Variants in CHMP3 observed in about 807,000 individuals in gnomAD.
CHMP3 encodes charged multivesicular body protein 3.
In CHMP3, 8 loss-of-function variants were observed where a neutral mutation model predicts 27.4. The ratio of observed to expected loss-of-function variants is 0.29; its 90% CI spans 0.17 to 0.53. The LOEUF is 0.53. CHMP3 is among the 20% of genes least tolerant of loss of function. The probability of loss-of-function intolerance (pLI) is 0.96; values close to 1 mark genes in which losing one functional copy is unlikely to be tolerated. For missense variants in CHMP3, 208 were observed against 271.5 expected, an observed-to-expected ratio of 0.77 and a Z score of 1.64; for synonymous variants, 86 against 85.5, an observed-to-expected ratio of 1.01 and a Z score of -0.03.
rs1487411595 is a variant in CHMP3, at chr2:86,563,443, G to C, written c.-95C>G. On this transcript the variant is annotated 5_prime_UTR_variant, in exon 1 of 6. Coordinates refer to ENST00000263856, the MANE Select transcript of CHMP3 (RefSeq NM_016079.4). ...CCTGGGCGGGGCCCGCGGAAAAGGA[G>C]GTAGTCCCAACCCCCAGAGTAGGGA... 1.4e-6 allele frequency: 2 copies of C among 1,471,374 alleles called. No homozygotes were observed. Among genetic ancestry groups the C allele is most frequent in the Admixed American group, 1.7e-5 (1 of 57,312 alleles). 91.1% of individuals were successfully genotyped at this position (1,471,374 alleles called of 1,614,324 possible).
At chr2:86,560,686 C>T (rs148621241) in intron 1 of CHMP3, among the ~76,000 whole-genome samples, 2,950 of 151,466 alleles carry the variant, frequency 0.019, 112 homozygotes, top group African/African-American at 0.068. Context: ...CACATGTAAC[C>T]CAGAACTTAA....
chr2:86,541,886 A>G (rs1004025907), intron 2 of CHMP3, among the ~76,000 whole-genome samples: 2 of 152,060 alleles, frequency 1.3e-5, no homozygotes, highest in African/African-American at 4.8e-5. Context: ...GGTACTAAAC[A>G]AAAAAAATCA....
At chr2:86,535,963 T>C (rs939513988) in intron 2 of CHMP3, among the ~76,000 whole-genome samples, 3 of 151,278 alleles carry the variant, frequency 2.0e-5, no homozygotes, top group African/African-American at 7.3e-5. Context: ...TTAAATCATG[T>C]AGAATACAAA....
rs1674839197 is a variant in CHMP3 at position 86,505,107 on chromosome 2, T to TTCTGTTCTAATATAAGCC, written c.*696_*697insGGCTTATATTAGAACAGA. The TTCTGTTCTAATATAAGCC allele has an allele frequency of 6.6e-6, 1 of 152,430 alleles. No individual in the cohort carries two copies. Among genetic ancestry groups the TTCTGTTCTAATATAAGCC allele is most frequent in the African/African-American group, 2.4e-5 (1 of 41,418 alleles). The allele number at this position is 152,430 out of a possible 1,614,324, so 9.4% of individuals were successfully genotyped here. A position where few individuals can be genotyped will look rare whatever the true frequency, so the allele number is the denominator to read the frequency against. On this transcript the variant is annotated 3_prime_UTR_variant, in exon 6 of 6. Transcript: ENST00000263856. ...ATGAGAGGTGAAAGAGACCTAGTAC[T>TTCTGTTCTAATATAAGCC]ACAGCTGTCTCATCTGGGTGCAACT...
intron 3 of CHMP3, chr2:86,526,930 TG>T (rs1328341629): frequency 6.6e-5 from 10 of 152,122 alleles, no homozygotes; most frequent in Non-Finnish European, 1.3e-4. Context: ...AGACGCAGAA[TG>T]GTATCTATAG....
intron 3 of CHMP3, among the ~76,000 whole-genome samples, chr2:86,521,305 A>T (rs1232115943): frequency 6.6e-6 from 1 of 152,176 alleles, no homozygotes; most frequent in African/African-American, 2.4e-5. Flanking sequence ...ACTATATAAG[A>T]GCTTGGAGCT....
chr2:86,506,626 C>CTTTTTT (rs973270185), intron 5 of CHMP3, among the ~76,000 whole-genome samples: 1 of 131,332 alleles, frequency 7.6e-6, no homozygotes, highest in African/African-American at 2.8e-5. Context: ...TGTTTCGAAC[C>CTTTTTT]TTTTTTTTTT....
At chr2:86,510,283 C>CAAA in intron 4 of CHMP3, 75 bp downstream of exon 4, 2 of 1,281,110 alleles carry the variant, frequency 1.6e-6, no homozygotes, top group Middle Eastern at 2.2e-4. Flanking sequence ...CACCCACCCT[C>CAAA]ATCCCTAGCC....
chr2:86,560,716 A>C (rs575853066), intron 1 of CHMP3, among the ~76,000 whole-genome samples: 1 of 152,128 alleles, frequency 6.6e-6, no homozygotes, highest in South Asian at 2.1e-4. Flanking sequence ...TAAAAAAAAA[A>C]AAAAGAAAAG....
At chr2:86,552,230 G>C (rs1676936647) in intron 1 of CHMP3, among the ~76,000 whole-genome samples, 2 of 152,172 alleles carry the variant, frequency 1.3e-5, no homozygotes, top group Admixed American at 6.5e-5. Context: ...CTTCTGAGAG[G>C]AACGGGTGGA....
intron 1 of CHMP3, among the ~76,000 whole-genome samples, chr2:86,549,169 G>GCCC (rs1676753839): frequency 8.4e-6 from 1 of 118,424 alleles, no homozygotes; most frequent in South Asian, 2.6e-4. Flanking sequence ...GGGCAGAGGC[G>GCCC]CCCACTTCCC....
At chr2:86,539,268 C>A (rs975084821) in intron 2 of CHMP3, among the ~76,000 whole-genome samples, 1 of 152,028 alleles carries the variant, frequency 6.6e-6, no homozygotes, top group African/African-American at 2.4e-5. Context: ...TTTGGTATCA[C>A]CATCAAGTAG....
Position 86,563,309 on chromosome 2 carries a change from C to T in CHMP3, c.40G>A (p.Glu14Lys). 3 of 1,614,130 alleles carry T rather than the reference C, an allele frequency of 1.9e-6. No individual in the cohort carries two copies. The highest frequency in any genetic ancestry group is 2.5e-6 in the Non-Finnish European group (3 of 1,179,960). ...GCCGCCGCCGTAGCCCTTACCAGTT[C>T]TTTGGGCGGCTTCTCCTGGGTCTTT... Reference protein sequence around the residue: ...FGKTQEKPPKELVNEWSLKIR... With the variant: ...FGKTQEKPPKKLVNEWSLKIR... The change falls in exon 1 of 6, where the codon GAA becomes AAA. Residue 14 changes from glutamate to lysine, a missense_variant. Glu to Lys is a moderately conservative substitution (Grantham distance 56). Coordinates refer to ENST00000263856, the MANE Select transcript of CHMP3 (RefSeq NM_016079.4).
intron 1 of CHMP3, among the ~76,000 whole-genome samples, chr2:86,546,371 A>T (rs752461129): frequency 1.1e-4 from 11 of 97,558 alleles, no homozygotes; most frequent in Non-Finnish European, 1.7e-4. Flanking sequence ...AGGGAGGGGA[A>T]GGGGGGGAGG....
intron 1 of CHMP3, chr2:86,561,634 C>A (rs1677373048): frequency 6.6e-6 from 1 of 152,186 alleles, no homozygotes; most frequent in Non-Finnish European, 1.5e-5. Context: ...AATGATCTTA[C>A]CTGTTCGGCT....
intron 3 of CHMP3, 143 bp downstream of exon 3, chr2:86,529,075 A>AT: frequency 2.5e-6 from 2 of 793,078 alleles, no homozygotes; most frequent in Non-Finnish European, 3.6e-6. Flanking sequence ...ACATTATTAT[A>AT]TTTTGCATTT....
At chr2:86,556,801 T>C (rs75973692) in intron 1 of CHMP3, among the ~76,000 whole-genome samples, 32 of 152,284 alleles carry the variant, frequency 2.1e-4, no homozygotes, top group African/African-American at 7.5e-4. Context: ...TCGGGGTCTG[T>C]GAGCAGCCTG....
At chr2:86,545,658 G>C (rs374585613) in intron 1 of CHMP3, among the ~76,000 whole-genome samples, 1 of 151,068 alleles carries the variant, frequency 6.6e-6, no homozygotes, top group East Asian at 2.0e-4. Context: ...TCCCAGACGG[G>C]GTGGCCGGGC....
At chr2:86,560,523 C>T (rs1369529193) in intron 1 of CHMP3, among the ~76,000 whole-genome samples, 1 of 151,482 alleles carries the variant, frequency 6.6e-6, no homozygotes, top group Admixed American at 6.6e-5. Flanking sequence ...AACATATGGA[C>T]ACAGGGAGGG....
Sources: allele counts gnomAD v4.1 joint callset (sites outside exome capture counted in the v4.1 genomes callset), GRCh38; gene constraint gnomAD v4.1.1; transcripts MANE v1.5; gene names NCBI Gene and HGNC (gene_info 2026-07-23, HGNC 2026-07-21).